PHF20: variants seen among roughly 807,000 people sequenced by gnomAD.
PHF20 encodes the protein glioma-expressed antigen 2.
Under a neutral mutation model 113.5 loss-of-function variants are expected in PHF20, and 23 were observed. The observed-to-expected ratio is 0.20, with a 90% CI of 0.15 to 0.29. The LOEUF is 0.29. Ranked by LOEUF, PHF20 falls within the 10% of genes least tolerant of loss-of-function variation. PHF20 has a pLI of 1.00. For missense variants in PHF20, 943 were observed against 1,219.6 expected, an observed-to-expected ratio of 0.77 and a Z score of 3.38; for synonymous variants, 434 against 457.3, an observed-to-expected ratio of 0.95 and a Z score of 0.65.
intron 1 of PHF20, among the ~76,000 whole-genome samples, chr20:35,785,136 T>C (rs6060600): frequency 1.1e-4 from 17 of 152,216 alleles, no homozygotes; most frequent in African/African-American, 3.9e-4. Flanking sequence ...CAGGTGACTT[T>C]GGGCAAGTTG....
intron 1 of PHF20, among the ~76,000 whole-genome samples, chr20:35,780,468 C>T (rs1257894130): frequency 6.6e-6 from 1 of 151,742 alleles, no homozygotes; most frequent in Non-Finnish European, 1.5e-5. Context: ...CCTCATAATC[C>T]ATCCGCCTCG....
Position 35,889,049 on chromosome 20 carries a change from C to T in PHF20, c.1283-10321C>T, listed in dbSNP as rs150327225. On this transcript the variant is annotated intron_variant, in intron 9 of 17. Transcript: ENST00000374012. ...TTTTTTTTTTTGAAATGGAGTCTCGCTGTGTCACCTAGGCTGGAGTGCACT... is the reference window on the plus strand; with the variant it reads ...TTTTTTTTTTTGAAATGGAGTCTCGTTGTGTCACCTAGGCTGGAGTGCACT... Among the ~76,000 whole-genome samples the T allele has an allele frequency of 2.1e-3, 287 of 137,046 alleles. 6 individuals carry two copies. The highest frequency in any genetic ancestry group is 7.2e-3 in the African/African-American group (262 of 36,522). The allele number at this position is 137,046 out of a possible 152,430, so 89.9% of individuals were successfully genotyped here. A position where few individuals can be genotyped will look rare whatever the true frequency, so the allele number is the denominator to read the frequency against.
At chr20:35,896,036 C>T (rs1487010962) in intron 9 of PHF20, among the ~76,000 whole-genome samples, 2 of 151,610 alleles carry the variant, frequency 1.3e-5, no homozygotes, top group Non-Finnish European at 2.9e-5. Flanking sequence ...TCTTTTATAT[C>T]TCTTGTTATA....
chr20:35,847,215 C>T (rs2042639993), intron 3 of PHF20, 135 bp from the exon 4 acceptor site: 1 of 590,764 alleles, frequency 1.7e-6, no homozygotes, highest in Non-Finnish European at 3.0e-6. Flanking sequence ...GAAATATCTT[C>T]CTCCATCTCA....
chr20:35,942,909 C>T (rs762095270), intron 17 of PHF20, among the ~76,000 whole-genome samples: 2 of 151,912 alleles, frequency 1.3e-5, no homozygotes, highest in South Asian at 2.1e-4. Flanking sequence ...CTGCAAGCTC[C>T]GCCTCCCGGG....
At chr20:35,868,397 C>G (rs1322831138) in intron 6 of PHF20, among the ~76,000 whole-genome samples, 1 of 151,194 alleles carries the variant, frequency 6.6e-6, no homozygotes, top group Non-Finnish European at 1.5e-5. Context: ...GTCAGGAGTT[C>G]AAGACCAGCC....
intron 6 of PHF20, among the ~76,000 whole-genome samples, chr20:35,869,019 A>C (rs768607958): frequency 6.6e-6 from 1 of 152,004 alleles, no homozygotes; most frequent in Non-Finnish European, 1.5e-5. Flanking sequence ...TGCACCTGGG[A>C]GGCGGAGGTT....
At chr20:35,929,121 G>A (rs2055702146) in intron 14 of PHF20, among the ~76,000 whole-genome samples, 1 of 152,164 alleles carries the variant, frequency 6.6e-6, no homozygotes. Flanking sequence ...CTTTCTGTCC[G>A]ATAAGGTGGG....
chr20:35,895,681 CTTT>C (rs762279629), intron 9 of PHF20, among the ~76,000 whole-genome samples: 1 of 116,796 alleles, frequency 8.6e-6, no homozygotes, highest in Non-Finnish European at 1.7e-5. Context: ...TTTGCTTCTC[CTTT>C]TTTTTTTTTT....
intron 1 of PHF20, among the ~76,000 whole-genome samples, chr20:35,791,155 C>CTT (rs1569120001): frequency 2.6e-5 from 4 of 152,116 alleles, no homozygotes; most frequent in Admixed American, 6.6e-5. Context: ...CCGCGTCCGG[C>CTT]CTGAACTGTT....
At chr20:35,899,812 G>C (rs967738500) in intron 10 of PHF20, among the ~76,000 whole-genome samples, 164 bp downstream of exon 10, 1 of 152,190 alleles carries the variant, frequency 6.6e-6, no homozygotes, top group Non-Finnish European at 1.5e-5. Context: ...CGGAGCTGTG[G>C]CCTTCCTACA....
intron 10 of PHF20, 141 bp from the exon 11 acceptor site, chr20:35,913,108 C>A: frequency 5.1e-6 from 2 of 395,596 alleles, no homozygotes; most frequent in South Asian, 2.1e-5. Flanking sequence ...GGAGGCGTGG[C>A]TCTGCCTCCA....
intron 2 of PHF20, among the ~76,000 whole-genome samples, chr20:35,814,742 G>A (rs2042036713): frequency 6.8e-6 from 1 of 147,202 alleles, no homozygotes. Context: ...GCGTAGTGGC[G>A]GGTGCCTGTA....
chr20:35,850,380 C>G (rs2042703139), intron 4 of PHF20, among the ~76,000 whole-genome samples: 1 of 138,080 alleles, frequency 7.2e-6, no homozygotes, highest in Admixed American at 8.0e-5. Context: ...ACAATCTCTG[C>G]TCACTGCAAC....
chr20:35,811,660 G>A (rs1371007964), intron 2 of PHF20, among the ~76,000 whole-genome samples: 2 of 151,906 alleles, frequency 1.3e-5, no homozygotes, highest in Non-Finnish European at 1.5e-5. Flanking sequence ...GGCTGGTTGA[G>A]AACTCCTGGC....
At chr20:35,907,677 C>T (rs1467899746) in intron 10 of PHF20, among the ~76,000 whole-genome samples, 1 of 152,188 alleles carries the variant, frequency 6.6e-6, no homozygotes. Flanking sequence ...CTAATTTATG[C>T]AGTTATTCCA....
At chr20:35,823,882 C>G (rs1204767098) in intron 2 of PHF20, among the ~76,000 whole-genome samples, 2 of 152,242 alleles carry the variant, frequency 1.3e-5, no homozygotes, top group South Asian at 4.1e-4. Context: ...TTGAGACTCA[C>G]CCGTATTTTT....
rs768406385 is a variant in PHF20 at position 35,863,418 on chromosome 20, G to C, written c.808+18G>C. ...TCCTACTGGTGAGTTTTTTAAGTGG[G>C]CTCTGCAATGGGCAATGCCAGAGTA... On this transcript the variant is annotated intron_variant, in intron 6 of 17. Transcript: ENST00000374012. The C allele has an allele frequency of 1.0e-5, 16 of 1,569,474 alleles. No homozygotes were observed. In the East Asian group the frequency reaches 3.6e-4, roughly 35 times the overall value.
At chr20:35,886,289 C>A (rs1326313933) in intron 9 of PHF20, among the ~76,000 whole-genome samples, 1 of 151,990 alleles carries the variant, frequency 6.6e-6, no homozygotes, top group Non-Finnish European at 1.5e-5. Context: ...CAGGTGCCCA[C>A]CACCATGCCC....
Sources: gnomAD v4.1 joint callset for allele counts (sites outside exome capture counted in the v4.1 genomes callset) on GRCh38, gnomAD v4.1.1 for gene constraint, MANE v1.5 for transcripts, NCBI Gene and HGNC (gene_info 2026-07-23, HGNC 2026-07-21) for gene names.